The following GRM5 variants were observed in gnomAD, a reference collection of about 807,000 sequenced individuals.
GRM5 encodes the protein glutamate metabotropic receptor 5, also known as metabotropic glutamate receptor 5.
In GRM5, 19 loss-of-function variants were observed where a neutral mutation model predicts 83.1. The ratio of observed to expected loss-of-function variants is 0.23; its 90% confidence interval spans 0.16 to 0.34. The LOEUF (loss-of-function observed/expected upper bound fraction) is 0.34. Among genes scored for constraint, GRM5 ranks in the 10% least tolerant of loss-of-function variants. The probability of loss-of-function intolerance (pLI) is 1.00; values close to 1 mark genes in which losing one functional copy is unlikely to be tolerated. For synonymous variants in GRM5, 675 were observed against 633.6 expected, an observed-to-expected ratio of 1.07 and a Z score of -0.98; for missense variants, 1,160 against 1,588.3, an observed-to-expected ratio of 0.73 and a Z score of 4.58.
At chr11:88,800,935 C>G (rs994435870) in intron 3 of GRM5, among the ~76,000 whole-genome samples, 2 of 152,016 alleles carry the variant, frequency 1.3e-5, no homozygotes, top group African/African-American at 2.4e-5. Context: ...CAGGGTCTAG[C>G]TTTTTCAGGG....
At chr11:88,575,539 G>C (rs1943092565) in intron 7 of GRM5, among the ~76,000 whole-genome samples, 1 of 152,200 alleles carries the variant, frequency 6.6e-6, no homozygotes, top group Non-Finnish European at 1.5e-5. Flanking sequence ...TGGGCAAGGT[G>C]GGGCTAGTGG....
chr11:88,911,216 G>A (rs556063267), intron 2 of GRM5, among the ~76,000 whole-genome samples: 37 of 152,176 alleles, frequency 2.4e-4, no homozygotes, highest in African/African-American at 8.7e-4. Flanking sequence ...CTCTGCTCCA[G>A]GCAGAAGGAT....
intron 2 of GRM5, among the ~76,000 whole-genome samples, chr11:88,991,475 C>T (rs951468134): frequency 6.6e-6 from 1 of 152,070 alleles, no homozygotes; most frequent in African/African-American, 2.4e-5. Flanking sequence ...CCCCATCAAG[C>T]TACCAATGCC....
intron 8 of GRM5, among the ~76,000 whole-genome samples, chr11:88,528,466 C>A (rs574965569): frequency 1.3e-5 from 2 of 152,092 alleles, no homozygotes; most frequent in East Asian, 3.9e-4. Flanking sequence ...ATAGTCTCAA[C>A]TGTTGAGTTT....
At chr11:88,813,104 AG>A (rs1943613948) in intron 3 of GRM5, among the ~76,000 whole-genome samples, 1 of 152,162 alleles carries the variant, frequency 6.6e-6, no homozygotes, top group East Asian at 1.9e-4. Flanking sequence ...TGTGCATTTC[AG>A]TACATTGCTT....
chr11:88,739,529 T>G (rs1464704126), intron 3 of GRM5, among the ~76,000 whole-genome samples: 1 of 152,080 alleles, frequency 6.6e-6, no homozygotes, highest in Admixed American at 6.6e-5. Context: ...TTAGGCTTTG[T>G]GTCCCTACCA....
At chr11:88,558,782 AGAGT>A (rs200020169) in intron 8 of GRM5, among the ~76,000 whole-genome samples, 1,852 of 138,342 alleles carry the variant, frequency 0.013, 21 homozygotes, top group East Asian at 0.035. Flanking sequence ...GCCTGGCAAC[AGAGT>A]GAGACTCCAT....
In GRM5 at chr11:88,746,995, T is replaced by C. The variant is rs1487451978; in HGVS notation, c.912-93592A>G. ...TTTAAAAATGTCATATATTATTTTT[T>C]ACTTTGAAATGAACAAGATTCACAA... On this transcript the variant is annotated intron_variant, in intron 3 of 9. Coordinates refer to ENST00000305447, the MANE Select transcript of GRM5 (RefSeq NM_001143831.3). Among the ~76,000 whole-genome samples, 3 of 152,226 alleles carry C rather than the reference T, an allele frequency of 2.0e-5. No individual in the cohort carries two copies. The East Asian group carries it at 5.8e-4, about 29-fold the overall frequency.
intron 5 of GRM5, among the ~76,000 whole-genome samples, chr11:88,601,124 G>A (rs993810004): frequency 2.6e-5 from 4 of 152,296 alleles, no homozygotes; most frequent in South Asian, 2.1e-4. Context: ...TGAGATTTGC[G>A]TATGTCCTTG....
At position 88,508,121 on chromosome 11, in the gene GRM5, T is replaced by C. The variant is rs1230110313; in HGVS notation, c.*471A>G. ...AAGAAAAAAGAAAGAAAAAAGTTGATGTTTTGGTCCCAGATTTTGAGTTTG... is the reference window on the plus strand; with the variant it reads ...AAGAAAAAAGAAAGAAAAAAGTTGACGTTTTGGTCCCAGATTTTGAGTTTG... On this transcript the variant is annotated 3_prime_UTR_variant, in exon 10 of 10. Transcript: ENST00000305447. This position sits in a 1 kb window ranked among gnomAD's most constrained non-coding sequence, Gnocchi z 4.2. 2 of 153,006 alleles carry C rather than the reference T, an allele frequency of 1.3e-5. No individual in the cohort carries two copies. Among genetic ancestry groups the C allele is most frequent in the African/African-American group, 2.4e-5 (1 of 41,452 alleles). 9.5% of individuals were successfully genotyped at this position (153,006 alleles called of 1,614,324 possible). A position where few individuals can be genotyped will look rare whatever the true frequency, so the allele number is the denominator to read the frequency against.
intron 2 of GRM5, among the ~76,000 whole-genome samples, chr11:88,924,285 C>T (rs1848449): frequency 0.039 from 5,929 of 151,904 alleles, 196 homozygotes; most frequent in African/African-American, 0.08. Flanking sequence ...TACTATAAAA[C>T]CAGCAATACC....
At chr11:88,570,571 A>ATATATATATATATATTTTTTTTTTTTT (rs1405339448) in intron 7 of GRM5, among the ~76,000 whole-genome samples, 1 of 46,376 alleles carries the variant, frequency 2.2e-5, no homozygotes, top group Non-Finnish European at 3.5e-5. Context: ...ATATATATAT[A>ATATATATATATATATTTTTTTTTTTTT]TTTTTTTTTT....
At chr11:89,064,966 A>G (rs1420449318) in intron 1 of GRM5, among the ~76,000 whole-genome samples, 1 of 135,508 alleles carries the variant, frequency 7.4e-6, no homozygotes, top group Non-Finnish European at 1.6e-5. Flanking sequence ...ATTTTTGCCA[A>G]AGTTCCATAA....
intron 2 of GRM5, among the ~76,000 whole-genome samples, chr11:88,945,866 A>G (rs1250461425): frequency 6.6e-6 from 1 of 152,144 alleles, no homozygotes; most frequent in African/African-American, 2.4e-5. Context: ...CAATTGCAAC[A>G]AAAACAAAAA....
chr11:88,796,426 GTCTTT>G, intron 3 of GRM5, among the ~76,000 whole-genome samples: 1 of 152,132 alleles, frequency 6.6e-6, no homozygotes, highest in African/African-American at 2.4e-5. Context: ...TATAAAAAGT[GTCTTT>G]TCTTTTAAAT....
At chr11:88,650,456 A>C (rs1252551420) in intron 4 of GRM5, among the ~76,000 whole-genome samples, 1 of 151,988 alleles carries the variant, frequency 6.6e-6, no homozygotes, top group Non-Finnish European at 1.5e-5. Context: ...CTTAACTTTG[A>C]AATACATCAT....
At chr11:88,779,311 T>C (rs1335342864) in intron 3 of GRM5, among the ~76,000 whole-genome samples, 2 of 152,186 alleles carry the variant, frequency 1.3e-5, no homozygotes, top group Non-Finnish European at 2.9e-5. Flanking sequence ...ATTCCTTCAA[T>C]TCTTCATCTG....
chr11:88,889,965 C>T (rs1048514302), intron 2 of GRM5, among the ~76,000 whole-genome samples: 7 of 152,170 alleles, frequency 4.6e-5, no homozygotes, highest in African/African-American at 1.7e-4. Flanking sequence ...TGTGTTCTGA[C>T]CATTTTGAGT....
At chr11:88,928,824 G>A (rs1315628395) in intron 2 of GRM5, among the ~76,000 whole-genome samples, 1 of 150,982 alleles carries the variant, frequency 6.6e-6, no homozygotes, top group African/African-American at 2.4e-5. Flanking sequence ...TACACTGTTT[G>A]TTATCAGTGC....
Sources: gnomAD v4.1 joint callset for allele counts (sites outside exome capture counted in the v4.1 genomes callset) on GRCh38, gnomAD v4.1.1 for gene constraint, Gnocchi (gnomAD v3.1) non-coding constraint, MANE v1.5 for transcripts, NCBI Gene and HGNC (gene_info 2026-07-23, HGNC 2026-07-21) for gene names.